The following PDE10A variants were observed in gnomAD, a reference collection of about 807,000 sequenced individuals.
PDE10A encodes phosphodiesterase 10A.
In PDE10A, 39 loss-of-function variants were observed where a neutral mutation model predicts 97.7. The ratio of observed to expected loss-of-function variants is 0.40; its 90% CI spans 0.31 to 0.52. The LOEUF (loss-of-function observed/expected upper bound fraction) is 0.52, where lower values mean the gene tolerates loss of function less well. Ranked by LOEUF, PDE10A falls within the 20% of genes least tolerant of loss-of-function variation. The pLI, the probability that PDE10A is intolerant of heterozygous loss-of-function variation, is 0.56. For missense variants in PDE10A, 731 were observed against 1,047.8 expected, an observed-to-expected ratio of 0.70 and a Z score of 4.17; for synonymous variants, 371 against 376.8, an observed-to-expected ratio of 0.98 and a Z score of 0.18.
At chr6:165,558,707 C>G (rs1228717746) in intron 1 of PDE10A, among the ~76,000 whole-genome samples, 1 of 152,102 alleles carries the variant, frequency 6.6e-6, no homozygotes, top group Non-Finnish European at 1.5e-5. Flanking sequence ...ACTGTGAAGT[C>G]TGACTATGAG....
In PDE10A at chr6:165,500,197, T is replaced by G. The variant is rs762425122; in HGVS notation, c.995-17854A>C. 8.5e-5 allele frequency among the ~76,000 whole-genome samples: 13 copies of G among 152,084 alleles called. 1 individual carries two copies. The highest frequency in any genetic ancestry group is 3.1e-4 in the African/African-American group (13 of 41,390). On this transcript the variant is annotated intron_variant, in intron 2 of 21. Transcript: ENST00000539869. ...CACACATACATACTAATAACATAGT[T>G]TACATTATATATAATAGATATTATT...
intron 3 of PDE10A, among the ~76,000 whole-genome samples, chr6:165,479,164 C>G (rs1468694899): frequency 1.3e-5 from 2 of 152,078 alleles, no homozygotes; most frequent in East Asian, 3.9e-4. Context: ...ATAAACAAAG[C>G]CTGTCTGCTC....
intron 1 of PDE10A, among the ~76,000 whole-genome samples, chr6:165,791,213 C>T (rs80342229): frequency 0.011 from 1,615 of 151,900 alleles, 13 homozygotes; most frequent in African/African-American, 0.022. Context: ...CCTCCCGAAG[C>T]GTTGGAAGGG....
At chr6:165,826,402 CATGTCCCTCTGTCCTG>C (rs891989228) in intron 1 of PDE10A, among the ~76,000 whole-genome samples, 13 of 132,770 alleles carry the variant, frequency 9.8e-5, no homozygotes, top group Non-Finnish European at 2.1e-4. Flanking sequence ...CTCGTGTCCC[CATGTCCCTCTGTCCTG>C]GTATCCCTCT....
intron 15 of PDE10A, among the ~76,000 whole-genome samples, chr6:165,394,245 G>A (rs1460242807): frequency 6.6e-6 from 1 of 152,066 alleles, no homozygotes; most frequent in Non-Finnish European, 1.5e-5. Flanking sequence ...AGGCCCCAGT[G>A]TGTGATGTTC....
chr6:165,377,098 G>T (rs1168526257), intron 18 of PDE10A, among the ~76,000 whole-genome samples: 1 of 152,060 alleles, frequency 6.6e-6, no homozygotes. Context: ...TTTAAATTAA[G>T]GTGTGTATTT....
At chr6:165,738,771 G>A (rs990039997) in intron 1 of PDE10A, among the ~76,000 whole-genome samples, 8 of 152,198 alleles carry the variant, frequency 5.3e-5, no homozygotes, top group African/African-American at 1.7e-4. Flanking sequence ...TGGTGATGGT[G>A]AGCATTTTTT....
At chr6:165,533,787 T>A (rs1030150815) in intron 2 of PDE10A, among the ~76,000 whole-genome samples, 1 of 152,202 alleles carries the variant, frequency 6.6e-6, no homozygotes, top group African/African-American at 2.4e-5. Context: ...TTATATTTCA[T>A]AGGGTTTTAA....
intron 1 of PDE10A, among the ~76,000 whole-genome samples, chr6:165,591,981 C>T (rs1786299533): frequency 6.6e-6 from 1 of 152,112 alleles, no homozygotes. Flanking sequence ...AATTCAAATC[C>T]TTACATATAT....
chr6:165,980,309 C>A (rs1014925120), intron 1 of PDE10A, among the ~76,000 whole-genome samples: 3 of 152,176 alleles, frequency 2.0e-5, no homozygotes, highest in African/African-American at 7.2e-5. Flanking sequence ...GTTATCATTT[C>A]TTTGACTCAA....
At chr6:165,666,826 G>A (rs1242193519), upstream of PDE10A, among the ~76,000 whole-genome samples, 3 of 152,124 alleles carry the variant, frequency 2.0e-5, no homozygotes, top group Admixed American at 6.5e-5. Flanking sequence ...AAGTTAATGC[G>A]CATGTAATTT....
chr6:165,370,886 A>AC (rs1362577957), intron 18 of PDE10A, among the ~76,000 whole-genome samples: 1 of 149,330 alleles, frequency 6.7e-6, no homozygotes, highest in Non-Finnish European at 1.5e-5. Context: ...TGTCTCTCAG[A>AC]CCACAGTGCA....
rs1016242989 is a variant in PDE10A, at chr6:165,453,801, C to A, written c.1024-3439G>T. On this transcript the variant is annotated intron_variant, in intron 3 of 21. Coordinates refer to ENST00000539869, the MANE Select transcript of PDE10A (RefSeq NM_001385079.1). Reference sequence around the variant, plus strand: ...ACTTGTTACAGCAGTGGAGCCCGCACAGACAGCCCCCAGTAGGCCAATACC... The same window carrying A: ...ACTTGTTACAGCAGTGGAGCCCGCAAAGACAGCCCCCAGTAGGCCAATACC... Among the ~76,000 whole-genome samples the A allele has an allele frequency of 3.3e-5, 5 of 152,336 alleles. 1 individual carries two copies. Among genetic ancestry groups the A allele is most frequent in the Middle Eastern group, 6.8e-3 (2 of 294 alleles).
intron 6 of PDE10A, among the ~76,000 whole-genome samples, chr6:165,433,947 G>A (rs1406278346): frequency 4.7e-5 from 7 of 148,234 alleles, no homozygotes; most frequent in Non-Finnish European, 8.9e-5. Flanking sequence ...AACCCGGGAG[G>A]CGGAGCTTGC....
At chr6:165,429,335 G>A (rs767667462) in intron 9 of PDE10A, among the ~76,000 whole-genome samples, 6 of 152,050 alleles carry the variant, frequency 3.9e-5, no homozygotes, top group African/African-American at 1.4e-4. Context: ...TGCATGTAAC[G>A]TATGGAAAAT....
In PDE10A at chr6:165,436,225, A is replaced by G. The variant is rs187767225; in HGVS notation, c.1195-848T>C. ...ATCTTATGTTGGATTACTCTAACAAAGAATGAAGACTACTTGAAGCAATAA... is the reference window on the plus strand; with the variant it reads ...ATCTTATGTTGGATTACTCTAACAAGGAATGAAGACTACTTGAAGCAATAA... On this transcript the variant is annotated intron_variant, in intron 5 of 21. Transcript: ENST00000539869. 3.2e-3 allele frequency among the ~76,000 whole-genome samples: 480 copies of G among 152,340 alleles called. 1 individual carries two copies. The highest frequency in any genetic ancestry group is 0.011 in the African/African-American group (467 of 41,582).
intron 2 of PDE10A, among the ~76,000 whole-genome samples, chr6:165,491,803 A>C (rs650490): frequency 0.29 from 43,706 of 151,368 alleles, 6,629 homozygotes; most frequent in African/African-American, 0.39. Flanking sequence ...TCAAGGAGCT[A>C]AAGAAAAAAG....
intron 2 of PDE10A, among the ~76,000 whole-genome samples, chr6:165,522,453 C>A (rs1286150591): frequency 1.3e-5 from 2 of 152,090 alleles, no homozygotes; most frequent in Non-Finnish European, 2.9e-5. Context: ...TAATTCGCCA[C>A]AATCAAGTAG....
chr6:165,943,454 T>C (rs1162435367), intron 1 of PDE10A, among the ~76,000 whole-genome samples: 2 of 152,044 alleles, frequency 1.3e-5, no homozygotes, highest in African/African-American at 2.4e-5. Flanking sequence ...GGCTAGCAAG[T>C]CCCATGATCT....
Sources: gnomAD v4.1 joint callset for allele counts (sites outside exome capture counted in the v4.1 genomes callset) on GRCh38, gnomAD v4.1.1 for gene constraint, MANE v1.5 for transcripts, NCBI Gene and HGNC (gene_info 2026-07-23, HGNC 2026-07-21) for gene names.